The following SHOC2 variants were observed in gnomAD, a reference collection of about 807,000 sequenced individuals.
SHOC2 encodes leucine-rich repeat protein SHOC-2.
In SHOC2, 4 loss-of-function variants were observed where a neutral mutation model predicts 50.2. That is an observed-to-expected ratio of 0.08 (90% CI 0.04 to 0.18). SHOC2 has a LOEUF of 0.18. Among genes scored for constraint, SHOC2 ranks in the 10% least tolerant of loss-of-function variants. The pLI is 1.00. For missense variants in SHOC2, 388 were observed against 669.6 expected (o/e 0.58, Z 4.64); for synonymous variants, 218 against 244.5 (o/e 0.89, Z 1.01).
At chr10:110,999,184 A>C (rs1848320798) in intron 3 of SHOC2, among the ~76,000 whole-genome samples, 1 of 152,202 alleles carries the variant, frequency 6.6e-6, no homozygotes, top group Admixed American at 6.5e-5. Context: ...TACATTTGAC[A>C]TTTTAACCTG....
chr10:110,963,379 G>C (rs1238805861), intron 1 of SHOC2, among the ~76,000 whole-genome samples: 1 of 152,108 alleles, frequency 6.6e-6, no homozygotes, highest in Non-Finnish European at 1.5e-5. Context: ...TTTGTCACTG[G>C]TTTTCAAAGG....
intron 1 of SHOC2, among the ~76,000 whole-genome samples, chr10:110,926,464 C>G (rs980262696): frequency 3.3e-5 from 5 of 152,226 alleles, no homozygotes; most frequent in African/African-American, 4.8e-5. Flanking sequence ...TTTATTCTCA[C>G]GTAGTGCACA....
At chr10:110,936,381 G>C (rs4391757) in intron 1 of SHOC2, among the ~76,000 whole-genome samples, 14,203 of 151,806 alleles carry the variant, frequency 0.094, 1,016 homozygotes, top group East Asian at 0.24. Flanking sequence ...GGTATTACAG[G>C]CGTGAGCCAC....
intron 1 of SHOC2, among the ~76,000 whole-genome samples, chr10:110,962,932 G>C (rs1847599593): frequency 2.6e-5 from 4 of 152,148 alleles, no homozygotes; most frequent in Admixed American, 2.6e-4. Flanking sequence ...TTATATGTGA[G>C]TGTTTTGGCT....
rs145397866 is a variant in SHOC2 at position 110,944,576 on chromosome 10, G to A, written c.-234-19549G>A. 1.9e-3 allele frequency among the ~76,000 whole-genome samples: 286 copies of A among 152,288 alleles called. 1 individual carries two copies. The highest frequency in any genetic ancestry group is 5.8e-3 in the African/African-American group (242 of 41,560). ...AATAATAAATGATCTTTGAAATAAT[G>A]TGGACATTCTAAATAATATAAAAAT... On this transcript the variant is annotated intron_variant, in intron 1 of 8. Coordinates refer to ENST00000369452, the MANE Select transcript of SHOC2 (RefSeq NM_007373.4).
intron 1 of SHOC2, among the ~76,000 whole-genome samples, chr10:110,933,801 A>C (rs1846941606): frequency 6.6e-6 from 1 of 152,310 alleles, no homozygotes; most frequent in Admixed American, 6.5e-5. Flanking sequence ...ACAATGTAGT[A>C]AGACCCTGTC....
At chr10:111,002,017 G>T (rs1171983251) in intron 4 of SHOC2, among the ~76,000 whole-genome samples, 1 of 151,716 alleles carries the variant, frequency 6.6e-6, no homozygotes, top group Non-Finnish European at 1.5e-5. Flanking sequence ...CTGCAGTCCA[G>T]CCTGGGCAAC....
intron 1 of SHOC2, among the ~76,000 whole-genome samples, chr10:110,952,850 A>G (rs866917243): frequency 2.0e-5 from 3 of 152,128 alleles, no homozygotes; most frequent in African/African-American, 7.2e-5. Flanking sequence ...GTTGAAGATG[A>G]TGGCTTCCAG....
In SHOC2 at chr10:111,007,606, C is replaced by A; in HGVS notation, c.1237C>A (p.Gln413Lys). The A allele has an allele frequency of 6.2e-7, 1 of 1,613,702 alleles. No homozygotes were observed. ...SMVELNLATN[Q>K]LTKIPEDVSG... ...GGTAGAATTGAATTTAGCCACTAATCAGCTCACAAAGATCCCTGAGGATGT... is the reference window on the plus strand; with the variant it reads ...GGTAGAATTGAATTTAGCCACTAATAAGCTCACAAAGATCCCTGAGGATGT... Residue 413 changes from glutamine to lysine, a missense_variant, in exon 6 of 9, where the codon CAG becomes AAG. Around this residue, in one of 5 missense-constraint regions of SHOC2, gnomAD observed 130 missense variants for 208.6 expected, o/e 0.62. Coordinates refer to ENST00000369452, the MANE Select transcript of SHOC2 (RefSeq NM_007373.4).
intron 1 of SHOC2, among the ~76,000 whole-genome samples, chr10:110,960,153 T>C (rs994846221): frequency 6.6e-6 from 1 of 152,264 alleles, no homozygotes; most frequent in African/African-American, 2.4e-5. Context: ...TGGGAAACTA[T>C]GGCCTGATGG....
chr10:110,923,172 C>A (rs1846688684), intron 1 of SHOC2, among the ~76,000 whole-genome samples: 1 of 152,002 alleles, frequency 6.6e-6, no homozygotes, highest in South Asian at 2.1e-4. Context: ...GAAATATTTT[C>A]TCTTAATATA....
At chr10:110,939,802 G>A (rs1847101051) in intron 1 of SHOC2, among the ~76,000 whole-genome samples, 1 of 152,118 alleles carries the variant, frequency 6.6e-6, no homozygotes, top group African/African-American at 2.4e-5. Context: ...TAGTTTTTAA[G>A]AATTGGTGCA....
chr10:110,978,432 C>T lies in SHOC2; in HGVS notation c.704-7196C>T, dbSNP rs570242341. Among the ~76,000 whole-genome samples, 13 of 152,260 alleles carry T rather than the reference C, an allele frequency of 8.5e-5. 1 individual carries two copies. Among genetic ancestry groups the T allele is most frequent in the African/African-American group, 2.9e-4 (12 of 41,542 alleles). On this transcript the variant is annotated intron_variant, in intron 2 of 8. Coordinates refer to ENST00000369452, the MANE Select transcript of SHOC2 (RefSeq NM_007373.4). ...CTTGACCGTAGAGACTTAGATTTAG[C>T]TCTTGTAAGGGTGATGCTATTTGGT...
chr10:110,947,090 G>C (rs1281298348), intron 1 of SHOC2, among the ~76,000 whole-genome samples: 2 of 152,186 alleles, frequency 1.3e-5, no homozygotes, highest in Non-Finnish European at 2.9e-5. Flanking sequence ...CACATTAATT[G>C]TTTCACCCCT....
rs544938292 is a variant in SHOC2, at chr10:111,009,171, T to C, written c.1285-77T>C. 1,027 of 1,001,914 alleles carry C rather than the reference T, an allele frequency of 1.0e-3. 1 individual carries two copies. The highest frequency in any genetic ancestry group is 1.5e-3 in the Non-Finnish European group (962 of 643,492). 62.1% of individuals were successfully genotyped at this position (1,001,914 alleles called of 1,614,324 possible). A position where few individuals can be genotyped will look rare whatever the true frequency, so the allele number is the denominator to read the frequency against. On this transcript the variant is annotated intron_variant, in intron 6 of 8. Transcript: ENST00000369452. ...TGTTTGGAAAATTAGCATTGCTTAA[T>C]AGATTTTAAGCCACACAATGACAGT...
At chr10:110,936,710 A>G (rs1847024176) in intron 1 of SHOC2, 1 of 922,422 alleles carries the variant, frequency 1.1e-6, no homozygotes, top group Non-Finnish European at 1.7e-6. Context: ...CCGTAGGCTT[A>G]TGAGCTCTTT....
At chr10:110,973,359 A>G (rs1270131336) in intron 2 of SHOC2, among the ~76,000 whole-genome samples, 1 of 152,144 alleles carries the variant, frequency 6.6e-6, no homozygotes, top group East Asian at 1.9e-4. Context: ...TAAATTACTC[A>G]TTTACCAATC....
At chr10:110,995,446 C>T (rs1848252958) in intron 3 of SHOC2, among the ~76,000 whole-genome samples, 1 of 152,174 alleles carries the variant, frequency 6.6e-6, no homozygotes, top group African/African-American at 2.4e-5. Context: ...ATGAGCACAA[C>T]AGTGAGGACA....
chr10:110,990,853 C>G (rs10749057), intron 3 of SHOC2, among the ~76,000 whole-genome samples: 148,444 of 152,298 alleles, frequency 0.97, 72,443 homozygotes, highest in East Asian at 1. Context: ...GAAATGTTAT[C>G]AAGTGATTTT....
Sources: gnomAD v4.1 joint callset for allele counts (sites outside exome capture counted in the v4.1 genomes callset) on GRCh38, gnomAD v4.1.1 for gene constraint, gnomAD v4.1.1 regional missense constraint, MANE v1.5 for transcripts, NCBI Gene and HGNC (gene_info 2026-07-23, HGNC 2026-07-21) for gene names.